The following CTNNA2 variants were observed in gnomAD, a reference collection of about 807,000 sequenced individuals.
CTNNA2 encodes the protein catenin alpha 2.
In CTNNA2, 42 loss-of-function variants were observed where a neutral mutation model predicts 101.0. That is an observed-to-expected ratio of 0.42 (90% CI 0.32 to 0.54). The LOEUF is 0.54. Ranked by LOEUF, CTNNA2 falls within the 20% of genes least tolerant of loss-of-function variation. The probability of loss-of-function intolerance (pLI) is 0.14; values close to 1 mark genes in which losing one functional copy is unlikely to be tolerated. For missense variants in CTNNA2, 871 were observed against 1,223.1 expected (o/e 0.71, Z 4.29); for synonymous variants, 450 against 456.4 (o/e 0.99, Z 0.18).
intron 2 of CTNNA2, among the ~76,000 whole-genome samples, chr2:79,213,044 G>C (rs1286594616): frequency 6.6e-6 from 1 of 152,170 alleles, no homozygotes; most frequent in African/African-American, 2.4e-5. Context: ...CTGTGAGGCT[G>C]GAAGGAGATA....
At chr2:79,432,661 AC>A (rs903206837) in intron 4 of CTNNA2, among the ~76,000 whole-genome samples, 1 of 151,894 alleles carries the variant, frequency 6.6e-6, no homozygotes, top group African/African-American at 2.4e-5. Flanking sequence ...AAGATCAACT[AC>A]CCCTCCCCAC....
At chr2:79,541,104 C>A (rs577715362) in intron 1 of CTNNA2, among the ~76,000 whole-genome samples, 1 of 152,092 alleles carries the variant, frequency 6.6e-6, no homozygotes, top group African/African-American at 2.4e-5. Context: ...TGCAATGTAA[C>A]TGTGCTTATC....
At chr2:80,179,796 C>A (rs1258108811) in intron 7 of CTNNA2, among the ~76,000 whole-genome samples, 1 of 152,114 alleles carries the variant, frequency 6.6e-6, no homozygotes, top group Admixed American at 6.6e-5. Context: ...CTAATGGCTT[C>A]CATTTGGCCT....
At chr2:79,969,904 A>T (rs559116334) in intron 7 of CTNNA2, among the ~76,000 whole-genome samples, 1 of 152,348 alleles carries the variant, frequency 6.6e-6, no homozygotes, top group South Asian at 2.1e-4. Context: ...AAATGAATAC[A>T]TTTAGCTGGA....
intron 7 of CTNNA2, among the ~76,000 whole-genome samples, chr2:80,237,272 T>G (rs140946560): frequency 2.0e-4 from 30 of 152,302 alleles, no homozygotes; most frequent in Non-Finnish European, 4.1e-4. Flanking sequence ...TGTCTGCATT[T>G]TTGCTAAAAA....
Position 79,895,691 on chromosome 2 carries a change from A to ATTTTTTTTTTTTTTTTT in CTNNA2, c.853-13903_853-13902insTTTTTTTTTTTTTTTTT, listed in dbSNP as rs757762487. Among the ~76,000 whole-genome samples, 2 of 107,764 alleles carry ATTTTTTTTTTTTTTTTT rather than the reference A, an allele frequency of 1.9e-5. 1 individual carries two copies. Among genetic ancestry groups the ATTTTTTTTTTTTTTTTT allele is most frequent in the Non-Finnish European group, 3.6e-5 (2 of 55,516 alleles). 70.7% of individuals were successfully genotyped at this position (107,764 alleles called of 152,430 possible). A position where few individuals can be genotyped will look rare whatever the true frequency, so the allele number is the denominator to read the frequency against. On this transcript the variant is annotated intron_variant, in intron 6 of 18. Transcript: ENST00000402739. ...GATTATGTGGTTTGTGAAATTTCTT[A>ATTTTTTTTTTTTTTTTT]ATTTTTTTTTTTTTTTTTGGCTGCA...
chr2:80,210,938 G>C (rs1040901923), intron 7 of CTNNA2, among the ~76,000 whole-genome samples: 3 of 152,114 alleles, frequency 2.0e-5, no homozygotes, highest in Non-Finnish European at 2.9e-5. Context: ...TCTCATTGTG[G>C]TTTTGATTTG....
chr2:79,258,151 C>T (rs546917109), intron 2 of CTNNA2, among the ~76,000 whole-genome samples: 2 of 152,246 alleles, frequency 1.3e-5, no homozygotes, highest in African/African-American at 4.8e-5. Context: ...GGGGTTAAGA[C>T]TTCAATATAT....
chr2:80,648,421 C>T lies in CTNNA2; in HGVS notation c.*549C>T, dbSNP rs1674341256. The T allele has an allele frequency of 6.6e-6, 1 of 152,514 alleles. No individual in the cohort carries two copies. The highest frequency in any genetic ancestry group is 1.5e-5 in the Non-Finnish European group (1 of 68,010). 9.4% of individuals were successfully genotyped at this position (152,514 alleles called of 1,614,324 possible). On this transcript the variant is annotated 3_prime_UTR_variant, in exon 19 of 19. Transcript: ENST00000402739. The stretch of plus-strand genomic sequence containing the variant: ...TTAACTGAGGGGAAATTAACTAGTC[C>T]AGCCTAAAATGCTTCTTTTAATCTG...
intron 3 of CTNNA2, among the ~76,000 whole-genome samples, chr2:79,807,060 C>T (rs1300039220): frequency 5.3e-5 from 8 of 152,064 alleles, no homozygotes; most frequent in Non-Finnish European, 8.8e-5. Flanking sequence ...CCCTGGTCTC[C>T]TTCACTCTTA....
chr2:79,337,211 A>C (rs2104424142), intron 3 of CTNNA2, among the ~76,000 whole-genome samples: 1 of 152,336 alleles, frequency 6.6e-6, no homozygotes, highest in Admixed American at 6.5e-5. Flanking sequence ...GCTATGGCAT[A>C]CATAAGTCTG....
intron 4 of CTNNA2, among the ~76,000 whole-genome samples, chr2:79,399,308 A>G (rs1268846673): frequency 1.3e-5 from 2 of 152,098 alleles, no homozygotes; most frequent in Admixed American, 1.3e-4. Flanking sequence ...TCATTCATGT[A>G]TGCAGGGCTG....
intron 2 of CTNNA2, among the ~76,000 whole-genome samples, chr2:79,697,219 A>G (rs1445992702): frequency 5.9e-5 from 9 of 152,032 alleles, no homozygotes; most frequent in Non-Finnish European, 1.3e-4. Flanking sequence ...GTTTAATTAG[A>G]GTGTGAAAAT....
At chr2:79,517,723 A>T (rs1671882269) in intron 1 of CTNNA2, among the ~76,000 whole-genome samples, 1 of 152,202 alleles carries the variant, frequency 6.6e-6, no homozygotes, top group South Asian at 2.1e-4. Flanking sequence ...AATTTGCATT[A>T]TATACCTCTT....
intron 1 of CTNNA2, among the ~76,000 whole-genome samples, chr2:79,556,531 T>A (rs1305447978): frequency 6.6e-6 from 1 of 152,050 alleles, no homozygotes; most frequent in Non-Finnish European, 1.5e-5. Flanking sequence ...TTGAAGCCAG[T>A]CCCCTGATAC....
chr2:80,073,645 C>A (rs1266162881), intron 7 of CTNNA2, among the ~76,000 whole-genome samples: 1 of 151,072 alleles, frequency 6.6e-6, no homozygotes, highest in Admixed American at 6.6e-5. Context: ...TGGGTCTCAG[C>A]CTATGGTGAA....
intron 7 of CTNNA2, among the ~76,000 whole-genome samples, chr2:80,079,861 A>ATAAAATAAAATAAAATAAAT (rs1699020709): frequency 2.1e-5 from 3 of 145,632 alleles, no homozygotes; most frequent in African/African-American, 7.6e-5. Flanking sequence ...ATAAAATAAA[A>ATAAAATAAAATAAAATAAAT]TAAAATAAAA....
At chr2:79,626,377 T>G (rs1348612019) in intron 1 of CTNNA2, among the ~76,000 whole-genome samples, 2 of 151,924 alleles carry the variant, frequency 1.3e-5, no homozygotes. Flanking sequence ...GACCACTGGG[T>G]GGGGAAGTGA....
intron 7 of CTNNA2, among the ~76,000 whole-genome samples, chr2:80,374,586 A>T (rs930173413): frequency 2.6e-5 from 4 of 151,986 alleles, no homozygotes; most frequent in African/African-American, 9.7e-5. Context: ...GAAGGAGTCA[A>T]CAGGGTTGGT....
Sources: allele counts gnomAD v4.1 joint callset (sites outside exome capture counted in the v4.1 genomes callset), GRCh38; gene constraint gnomAD v4.1.1; transcripts MANE v1.5; gene names NCBI Gene and HGNC (gene_info 2026-07-23, HGNC 2026-07-21).